CNGA3: variants seen among roughly 807,000 people sequenced by gnomAD.
The protein encoded by CNGA3 is cyclic nucleotide-gated channel alpha-3.
In CNGA3, 42 loss-of-function variants were observed where a neutral mutation model predicts 46.6. The ratio of observed to expected loss-of-function variants is 0.90; its 90% CI spans 0.70 to 1.17. The LOEUF is 1.17. Among genes scored for constraint, CNGA3 ranks in the 50% most tolerant of loss-of-function variants. The pLI is 0.00. For synonymous variants in CNGA3, 394 were observed against 369.4 expected, an observed-to-expected ratio of 1.07 and a Z score of -0.76; for missense variants, 893 against 890.7, an observed-to-expected ratio of 1.00 and a Z score of -0.03.
chr2:98,377,976 G>A (rs1402181767), intron 3 of CNGA3, 176 bp downstream of exon 3: 1 of 1,452,066 alleles, frequency 6.9e-7, no homozygotes, highest in East Asian at 2.5e-5. Flanking sequence ...TGGGTCAGAT[G>A]TTCTGAGCTC....
At chr2:98,390,937 C>G (rs917653400) in intron 6 of CNGA3, among the ~76,000 whole-genome samples, 1 of 152,166 alleles carries the variant, frequency 6.6e-6, no homozygotes, top group Non-Finnish European at 1.5e-5. Flanking sequence ...GACGATGCCT[C>G]TGGGGCTCTC....
At position 98,396,380 on chromosome 2, in the gene CNGA3, T is replaced by A. The variant is rs1269596010; in HGVS notation, c.1210T>A (p.Ser404Thr). 6.2e-7 allele frequency: 1 copy of A among 1,613,794 alleles called. No individual in the cohort carries two copies. The highest frequency in any genetic ancestry group is 8.5e-7 in the Non-Finnish European group (1 of 1,179,896). ...TIVGNVGSMISNMNASRAEFQ... is the reference protein window; with the variant it reads ...TIVGNVGSMITNMNASRAEFQ... ...TGTGGGCAATGTGGGCTCCATGATC[T>A]CGAATATGAATGCCTCACGGGCAGA... is the stretch of plus-strand genomic sequence containing the variant. Residue 404 changes from serine to threonine, a missense_variant, in exon 8 of 8, where the codon TCG (serine) becomes ACG (threonine). Ser to Thr is a moderately conservative substitution (Grantham distance 58). Coordinates refer to ENST00000272602, the MANE Select transcript of CNGA3 (RefSeq NM_001298.3).
intron 1 of CNGA3, among the ~76,000 whole-genome samples, chr2:98,367,938 C>T (rs1386234246): frequency 6.6e-6 from 1 of 152,164 alleles, no homozygotes; most frequent in Non-Finnish European, 1.5e-5. Flanking sequence ...AGGGTAAGGC[C>T]CAAGCTCCTG....
chr2:98,366,821 A>C (rs1167371000), intron 1 of CNGA3, among the ~76,000 whole-genome samples: 1 of 152,194 alleles, frequency 6.6e-6, no homozygotes, highest in Non-Finnish European at 1.5e-5. Context: ...GGCAGTCTCC[A>C]GTGTAGAGGC....
Position 98,377,757 on chromosome 2 carries a change from G to T in CNGA3, c.172G>T (p.Ala58Ser). 6.2e-7 allele frequency: 1 copy of T among 1,612,894 alleles called. No homozygotes were observed. The highest frequency in any genetic ancestry group is 2.2e-5 in the East Asian group (1 of 44,880). The change falls in exon 3 of 8, where the codon GCT (alanine) becomes TCT (serine). Residue 58 changes from alanine to serine, a missense_variant. This residue lies in a region of CNGA3 where 333 missense variants were observed against 290.8 expected (regional missense o/e 1.15). Transcript: ENST00000272602. The stretch of plus-strand genomic sequence containing the variant: ...GATCGCCATGGAGACCAGAGGACTG[G>T]CTGACTCCGGGCAGGGCTCCTTCAC... ...PGIAMETRGL[A>S]DSGQGSFTGQ...
At chr2:98,387,448 C>T (rs1378376920) in intron 5 of CNGA3, among the ~76,000 whole-genome samples, 1 of 152,222 alleles carries the variant, frequency 6.6e-6, no homozygotes, top group East Asian at 1.9e-4. Context: ...GTCCCTTCCG[C>T]AACCTTTGTT....
intron 1 of CNGA3, among the ~76,000 whole-genome samples, chr2:98,348,865 C>T (rs1461578005): frequency 4.6e-5 from 7 of 152,108 alleles, no homozygotes; most frequent in African/African-American, 1.7e-4. Flanking sequence ...GCCTGCATTC[C>T]GGGTGTAAAT....
chr2:98,385,067 TC>T (rs2104218071), intron 5 of CNGA3, among the ~76,000 whole-genome samples: 2 of 152,320 alleles, frequency 1.3e-5, no homozygotes, highest in African/African-American at 4.8e-5. Flanking sequence ...TGTGTAGGGT[TC>T]TTTTGGGGCA....
chr2:98,349,468 G>C (rs1312053340), intron 1 of CNGA3, among the ~76,000 whole-genome samples: 1 of 152,208 alleles, frequency 6.6e-6, no homozygotes, highest in Non-Finnish European at 1.5e-5. Flanking sequence ...CTTTCATAAA[G>C]ATTCTGGGGT....
intron 1 of CNGA3, among the ~76,000 whole-genome samples, chr2:98,364,933 T>C (rs1056053106): frequency 6.6e-6 from 1 of 152,188 alleles, no homozygotes; most frequent in South Asian, 2.1e-4. Flanking sequence ...GTATTGAATA[T>C]TGGCCTCCAA....
Position 98,396,001 on chromosome 2 carries a change from C to T in CNGA3, c.831C>T (p.Arg277=). The stretch of plus-strand genomic sequence containing the variant: ...ACTACCCAGAAGTGAGGTTCAACCG[C>T]CTACTGAAGTTTTCCCGGCTCTTTG... ...GTNYPEVRFN[R]LLKFSRLFEF... The change falls in exon 8 of 8, where the codon CGC becomes CGT. Residue 277 remains arginine, a synonymous_variant. Coordinates refer to ENST00000272602, the MANE Select transcript of CNGA3 (RefSeq NM_001298.3). 6.2e-7 allele frequency: 1 copy of T among 1,614,232 alleles called. No individual in the cohort carries two copies. The highest frequency in any genetic ancestry group is 8.5e-7 in the Non-Finnish European group (1 of 1,180,044).
Position 98,396,862 on chromosome 2 carries a change from G to T in CNGA3, c.1692G>T (p.Arg564Ser), listed in dbSNP as rs765358532. 1 of 1,614,180 alleles carries T rather than the reference G, an allele frequency of 6.2e-7. No homozygotes were observed. Reference sequence around the variant, plus strand: ...AGGGGAGCAAGTCGGGGAACCGCAGGACGGCCAACATCCGCAGCATTGGCT... The same window carrying T: ...AGGGGAGCAAGTCGGGGAACCGCAGTACGGCCAACATCCGCAGCATTGGCT... ...NIKGSKSGNR[R>S]TANIRSIGYS... Residue 564 changes from arginine (R) to serine (S), a missense_variant, in exon 8 of 8, where the codon AGG becomes AGT. By Grantham distance (110) the Arg-to-Ser change is moderately radical. Coordinates refer to ENST00000272602, the MANE Select transcript of CNGA3 (RefSeq NM_001298.3).
chr2:98,364,830 T>C (rs1416362641), intron 1 of CNGA3, among the ~76,000 whole-genome samples: 2 of 152,218 alleles, frequency 1.3e-5, no homozygotes, highest in Non-Finnish European at 2.9e-5. Flanking sequence ...CCTCAGCATT[T>C]ACTTGTCTGA....
At chr2:98,392,072 A>G in intron 7 of CNGA3, 102 bp downstream of exon 7, 1 of 1,029,940 alleles carries the variant, frequency 9.7e-7, no homozygotes, top group Non-Finnish European at 1.5e-6. Context: ...TGACCATGAG[A>G]GGCCAGGCAG....
Position 98,377,903 on chromosome 2 carries a change from G to A in CNGA3, c.215+103G>A, listed in dbSNP as rs1181849006. 15 of 1,325,214 alleles carry A rather than the reference G, an allele frequency of 1.1e-5. No individual in the cohort carries two copies. The East Asian group carries it at 3.5e-4, about 31-fold the overall frequency. The allele number at this position is 1,325,214 out of a possible 1,614,324, so 82.1% of individuals were successfully genotyped here. On this transcript the variant is annotated intron_variant, in intron 3 of 7. Transcript: ENST00000272602. ...AGTGCTAGATGGGGGTGGAGTTGAAGATTTGGAAAAGAAAGGGTCAGGAGC... is the reference window on the plus strand; with the variant it reads ...AGTGCTAGATGGGGGTGGAGTTGAAAATTTGGAAAAGAAAGGGTCAGGAGC...
intron 1 of CNGA3, among the ~76,000 whole-genome samples, chr2:98,349,522 C>T (rs1298152022): frequency 2.6e-5 from 4 of 152,170 alleles, no homozygotes; most frequent in Non-Finnish European, 5.9e-5. Context: ...TCATTCTATA[C>T]TCATTGAGCA....
intron 6 of CNGA3, 28 bp downstream of exon 6, chr2:98,389,802 G>A (rs371953253): frequency 3.8e-5 from 60 of 1,581,862 alleles, no homozygotes; most frequent in African/African-American, 3.6e-4. Context: ...AAGGTGCAGC[G>A]GAAAGGGGGA....
chr2:98,370,814 G>A (rs1165411979), intron 2 of CNGA3, among the ~76,000 whole-genome samples: 1 of 152,116 alleles, frequency 6.6e-6, no homozygotes, highest in Non-Finnish European at 1.5e-5. Context: ...AAACCCTTAT[G>A]TTTCTTTGTT....
intron 1 of CNGA3, among the ~76,000 whole-genome samples, chr2:98,367,460 C>A (rs979742647): frequency 1.9e-4 from 29 of 152,128 alleles, no homozygotes; most frequent in Admixed American, 9.8e-4. Flanking sequence ...TCCCAAAGTG[C>A]GGGGATTACG....
Sources: allele counts gnomAD v4.1 joint callset (sites outside exome capture counted in the v4.1 genomes callset), GRCh38; gene constraint gnomAD v4.1.1; regional missense constraint gnomAD v4.1.1; transcripts MANE v1.5; gene names NCBI Gene and HGNC (gene_info 2026-07-23, HGNC 2026-07-21).